Variants in SUMF1 observed in about 807,000 individuals in gnomAD.
SUMF1 encodes the protein sulfatase modifying factor 1.
In SUMF1, 48 loss-of-function variants were observed where a neutral mutation model predicts 47.6. The observed-to-expected ratio is 1.01, with a 90% CI of 0.80 to 1.28. The LOEUF is 1.28. SUMF1 is among the 50% of genes most tolerant of loss of function. The probability of loss-of-function intolerance (pLI) is 0.00; values close to 1 mark genes in which losing one functional copy is unlikely to be tolerated. For missense variants in SUMF1, 571 were observed against 485.4 expected, an observed-to-expected ratio of 1.18 and a Z score of -1.66; for synonymous variants, 230 against 192.1, an observed-to-expected ratio of 1.20 and a Z score of -1.63.
At chr3:4,089,839 C>T (rs1692747247) in intron 8 of SUMF1, among the ~76,000 whole-genome samples, 1 of 152,106 alleles carries the variant, frequency 6.6e-6, no homozygotes, top group Admixed American at 6.5e-5. Flanking sequence ...TCATCTCATG[C>T]TGGTCCTTCA....
chr3:4,366,845 G>T (rs1452828500), intron 8 of SUMF1, among the ~76,000 whole-genome samples: 1 of 152,082 alleles, frequency 6.6e-6, no homozygotes, highest in African/African-American at 2.4e-5. Context: ...CATCTTTGGG[G>T]TTTTATCTAC....
intron 8 of SUMF1, among the ~76,000 whole-genome samples, chr3:4,207,804 A>T (rs540909135): frequency 6.6e-6 from 1 of 152,244 alleles, no homozygotes; most frequent in East Asian, 1.9e-4. Flanking sequence ...GAAAACCACA[A>T]CTTACTAGAA....
chr3:4,362,318 C>G, intron 8 of SUMF1, 64 bp from the exon 9 acceptor site: 3 of 1,348,202 alleles, frequency 2.2e-6, no homozygotes, highest in Non-Finnish European at 3.2e-6. Flanking sequence ...TCTAACCCAT[C>G]AGATGCATAT....
chr3:4,230,028 G>A (rs989466979), intron 8 of SUMF1, among the ~76,000 whole-genome samples: 2 of 151,454 alleles, frequency 1.3e-5, no homozygotes. Flanking sequence ...AAAAAGAAAA[G>A]AAAAGAAAAA....
At chr3:4,432,773 T>C (rs1702274335) in intron 3 of SUMF1, among the ~76,000 whole-genome samples, 1 of 152,242 alleles carries the variant, frequency 6.6e-6, no homozygotes, top group African/African-American at 2.4e-5. Context: ...ATTAGAATTA[T>C]AACCTCCATG....
intron 7 of SUMF1, among the ~76,000 whole-genome samples, chr3:4,409,084 T>C (rs1701461745): frequency 1.3e-5 from 2 of 152,194 alleles, no homozygotes; most frequent in African/African-American, 4.8e-5. Flanking sequence ...TCATGTGACT[T>C]GCTCTCTATA....
chr3:4,122,183 A>G (rs1385455118), intron 8 of SUMF1, among the ~76,000 whole-genome samples: 1 of 152,154 alleles, frequency 6.6e-6, no homozygotes, highest in East Asian at 1.9e-4. Flanking sequence ...TATTCACAAT[A>G]AGCAAAAGGT....
intron 8 of SUMF1, among the ~76,000 whole-genome samples, chr3:4,212,812 G>T (rs1391364998): frequency 6.6e-6 from 1 of 152,124 alleles, no homozygotes; most frequent in Non-Finnish European, 1.5e-5. Context: ...AAGGATATCG[G>T]TTATTCAAGA....
chr3:4,324,911 A>G (rs1410914297), intron 8 of SUMF1, among the ~76,000 whole-genome samples: 1 of 152,168 alleles, frequency 6.6e-6, no homozygotes, highest in African/African-American at 2.4e-5. Flanking sequence ...TGGGTAATTT[A>G]TAAAGAAAAA....
chr3:4,050,668 G>C (rs1407398766), intron 9 of SUMF1, among the ~76,000 whole-genome samples: 1 of 150,728 alleles, frequency 6.6e-6, no homozygotes, highest in Non-Finnish European at 1.5e-5. Context: ...ACCTGAGCCT[G>C]GGAGGTGGAG....
At chr3:4,105,295 G>C (rs959348375) in intron 8 of SUMF1, among the ~76,000 whole-genome samples, 2 of 152,106 alleles carry the variant, frequency 1.3e-5, no homozygotes, top group Admixed American at 6.6e-5. Flanking sequence ...AAAGGAATAA[G>C]ATTTTGAGAT....
intron 7 of SUMF1, among the ~76,000 whole-genome samples, chr3:4,389,224 G>T (rs931810311): frequency 6.6e-6 from 1 of 152,048 alleles, no homozygotes; most frequent in African/African-American, 2.4e-5. Context: ...TACTTCACTG[G>T]ATAAGGATTC....
At chr3:4,195,992 T>C (rs1695421110) in intron 8 of SUMF1, among the ~76,000 whole-genome samples, 1 of 152,128 alleles carries the variant, frequency 6.6e-6, no homozygotes, top group Non-Finnish European at 1.5e-5. Context: ...CCAGAAATTA[T>C]ATATAATAAT....
In SUMF1 at chr3:4,436,175, C is replaced by T. The variant is rs551949159; in HGVS notation, c.519+13091G>A. On this transcript the variant is annotated intron_variant, in intron 3 of 8. Coordinates refer to ENST00000272902, the MANE Select transcript of SUMF1 (RefSeq NM_182760.4). ...ATATGTATGAGTATTGCAAGAAAAA[C>T]AGCAGAACATAGTCTAGGTTTTTTC... Among the ~76,000 whole-genome samples the T allele has an allele frequency of 2.0e-4, 30 of 152,160 alleles. No homozygotes were observed. The South Asian group carries it at 5.6e-3, about 28-fold the overall frequency.
intron 8 of SUMF1, among the ~76,000 whole-genome samples, chr3:4,268,193 AC>A (rs1469773136): frequency 1.3e-5 from 2 of 152,080 alleles, no homozygotes; most frequent in East Asian, 3.9e-4. Context: ...CAATGGGAAC[AC>A]ATGGACACAG....
intron 8 of SUMF1, among the ~76,000 whole-genome samples, chr3:4,251,853 A>T (rs1696809381): frequency 6.6e-6 from 1 of 152,256 alleles, no homozygotes; most frequent in Non-Finnish European, 1.5e-5. Flanking sequence ...GTTAATTATT[A>T]GAATTTTTTT....
intron 1 of SUMF1, among the ~76,000 whole-genome samples, chr3:4,459,781 G>A (rs564542723): frequency 6.6e-6 from 1 of 151,966 alleles, no homozygotes; most frequent in Non-Finnish European, 1.5e-5. Context: ...CTTGTAATTG[G>A]TGTTCCTGTC....
At chr3:4,317,739 A>G (rs1698722108) in intron 8 of SUMF1, among the ~76,000 whole-genome samples, 1 of 152,196 alleles carries the variant, frequency 6.6e-6, no homozygotes, top group South Asian at 2.1e-4. Context: ...CCAGTGTGTT[A>G]CCATTGAACA....
chr3:4,090,898 G>T (rs1005573514), intron 8 of SUMF1, among the ~76,000 whole-genome samples: 1 of 151,894 alleles, frequency 6.6e-6, no homozygotes, highest in Non-Finnish European at 1.5e-5. Flanking sequence ...TGGCTAACAC[G>T]GTGAAACCTC....
Sources: allele counts gnomAD v4.1 joint callset (sites outside exome capture counted in the v4.1 genomes callset), GRCh38; gene constraint gnomAD v4.1.1; transcripts MANE v1.5; gene names NCBI Gene and HGNC (gene_info 2026-07-23, HGNC 2026-07-21).